The following SLC16A2 variants were observed in gnomAD, a reference collection of about 807,000 sequenced individuals.
SLC16A2 encodes the protein monocarboxylate transporter 8.
SLC16A2 carries 3 observed loss-of-function variants against 27.2 expected under a neutral mutation model. That is an observed-to-expected ratio of 0.11 (90% confidence interval 0.05 to 0.28). The LOEUF (loss-of-function observed/expected upper bound fraction) is 0.28. SLC16A2 is among the 10% of genes least tolerant of loss of function. The pLI is 1.00. For synonymous variants in SLC16A2, 202 were observed against 187.8 expected (o/e 1.08, Z -0.62); for missense variants, 295 against 458.5 (o/e 0.64, Z 3.26).
At chrX:74,460,562 C>A (rs1227993357) in intron 1 of SLC16A2, among the ~76,000 whole-genome samples, 1 of 112,585 alleles carries the variant, frequency 8.9e-6, no homozygotes, top group Non-Finnish European at 1.9e-5. Flanking sequence ...AACACAAATT[C>A]TGACCAACAT....
chrX:74,425,637 G>A (rs759143171), intron 1 of SLC16A2, among the ~76,000 whole-genome samples: 7 of 110,876 alleles, frequency 6.3e-5, no homozygotes, highest in African/African-American at 1.3e-4. Context: ...GAAGCAAGAC[G>A]CCATTGATTG....
At chrX:74,455,764 G>A (rs146627158) in intron 1 of SLC16A2, among the ~76,000 whole-genome samples, 1,831 of 111,744 alleles carry the variant, frequency 0.016, 36 homozygotes, top group African/African-American at 0.056. Context: ...CAGGAGTATA[G>A]TGTGTGGGAG....
At chrX:74,439,190 C>CTTTCTTTCTTTCTTTCTTTCTT (rs1357240164) in intron 1 of SLC16A2, among the ~76,000 whole-genome samples, 32 of 93,211 alleles carry the variant, frequency 3.4e-4, no homozygotes, top group African/African-American at 1.3e-3. Flanking sequence ...CTTTCTTTTT[C>CTTTCTTTCTTTCTTTCTTTCTT]TTTCTTTCTT....
At chrX:74,466,447 G>A (rs1446393504) in intron 1 of SLC16A2, among the ~76,000 whole-genome samples, 1 of 111,529 alleles carries the variant, frequency 9.0e-6, no homozygotes, top group African/African-American at 3.3e-5. Context: ...ACAAAAATTA[G>A]TGTAGTATTT....
chrX:74,498,297 C>T (rs1929971340), intron 1 of SLC16A2, among the ~76,000 whole-genome samples: 1 of 111,452 alleles, frequency 9.0e-6, no homozygotes, highest in Admixed American at 9.5e-5. Context: ...TATTATAGAA[C>T]CTAAGATTGG....
chrX:74,517,011 G>A (rs754565797), intron 1 of SLC16A2, among the ~76,000 whole-genome samples: 1 of 112,018 alleles, frequency 8.9e-6, no homozygotes, highest in Non-Finnish European at 1.9e-5. Flanking sequence ...TATGGGTCGT[G>A]GGGGAGTGGG....
rs911796715 is a variant in SLC16A2, at chrX:74,502,286, G to A, written c.431-18704G>A. On this transcript the variant is annotated intron_variant, in intron 1 of 5. Coordinates refer to ENST00000587091, the MANE Select transcript of SLC16A2 (RefSeq NM_006517.5). Reference sequence around the variant, plus strand: ...ACCATTCAGTAGGTCCCCAGACCAGGCTCCTTCCTACCCTCCCTAAAAAAT... The same window carrying A: ...ACCATTCAGTAGGTCCCCAGACCAGACTCCTTCCTACCCTCCCTAAAAAAT... Among the ~76,000 whole-genome samples the A allele has an allele frequency of 4.5e-5, 5 of 111,859 alleles. No individual in the cohort carries two copies. The Admixed American group carries it at 4.7e-4, about 11-fold the overall frequency.
intron 1 of SLC16A2, among the ~76,000 whole-genome samples, chrX:74,486,492 C>T (rs1026591042): frequency 1.8e-4 from 20 of 112,038 alleles, no homozygotes; most frequent in Admixed American, 8.5e-4. Flanking sequence ...TGCTCATCAT[C>T]ACTGGCCATC....
intron 1 of SLC16A2, among the ~76,000 whole-genome samples, chrX:74,504,626 C>G (rs543134522): frequency 8.9e-6 from 1 of 112,229 alleles, no homozygotes; most frequent in African/African-American, 3.2e-5. Flanking sequence ...TTAGTTGGTA[C>G]TTTTATAAGA....
chrX:74,460,155 A>G (rs187983605), intron 1 of SLC16A2, among the ~76,000 whole-genome samples: 3 of 112,237 alleles, frequency 2.7e-5, no homozygotes, highest in Non-Finnish European at 3.8e-5. Context: ...AAGACTTCCA[A>G]CTACGGGGAG....
intron 1 of SLC16A2, among the ~76,000 whole-genome samples, chrX:74,457,850 C>T (rs1325061722): frequency 9.0e-6 from 1 of 111,408 alleles, no homozygotes; most frequent in Non-Finnish European, 1.9e-5. Flanking sequence ...AGAAGGGAGG[C>T]ACTGGGCACC....
chrX:74,454,801 C>T (rs774527058), intron 1 of SLC16A2, among the ~76,000 whole-genome samples: 2 of 111,707 alleles, frequency 1.8e-5, no homozygotes, highest in Non-Finnish European at 3.8e-5. Context: ...TAATGTCTTT[C>T]ATGGCCCAAC....
intron 1 of SLC16A2, among the ~76,000 whole-genome samples, chrX:74,451,196 T>C (rs1193475178): frequency 8.9e-6 from 1 of 112,458 alleles, no homozygotes; most frequent in East Asian, 2.8e-4. Context: ...GTTCTTTTAG[T>C]GTGATGAGTC....
rs1369201409 is a variant in SLC16A2, at chrX:74,427,532, A to G, written c.430+5465A>G. 3.6e-5 allele frequency among the ~76,000 whole-genome samples: 4 copies of G among 112,088 alleles called. No homozygotes were observed. In the Admixed American group the frequency reaches 3.8e-4, roughly 11 times the overall value. On this transcript the variant is annotated intron_variant, in intron 1 of 5. Transcript: ENST00000587091. ...GAGTAAACAAGCAGCTGGACTGTCA[A>G]CATTTGTAGAAGTATATAAAGGATG...
intron 1 of SLC16A2, among the ~76,000 whole-genome samples, chrX:74,501,740 C>T (rs1197454964): frequency 9.0e-6 from 1 of 111,278 alleles, no homozygotes; most frequent in Non-Finnish European, 1.9e-5. Context: ...CAAAGTGTTC[C>T]CCAAAATCCT....
chrX:74,426,378 A>G (rs1928402744), intron 1 of SLC16A2, among the ~76,000 whole-genome samples: 1 of 112,058 alleles, frequency 8.9e-6, no homozygotes. Flanking sequence ...ACTGAAAGGG[A>G]TGAGAATAAG....
intron 1 of SLC16A2, among the ~76,000 whole-genome samples, chrX:74,439,610 C>T (rs1395001560): frequency 1.9e-5 from 2 of 106,751 alleles, no homozygotes; most frequent in African/African-American, 3.4e-5. Flanking sequence ...CTCACTCTTG[C>T]GCTTTCTCTC....
At chrX:74,503,407 C>A (rs186860933) in intron 1 of SLC16A2, among the ~76,000 whole-genome samples, 137 of 111,685 alleles carry the variant, frequency 1.2e-3, no homozygotes, top group African/African-American at 4.4e-3. Context: ...TTTCTCCACT[C>A]TTGGTACAGT....
chrX:74,481,918 C>T (rs997277023), intron 1 of SLC16A2, among the ~76,000 whole-genome samples: 24 of 109,623 alleles, frequency 2.2e-4, no homozygotes, highest in African/African-American at 7.3e-4. Flanking sequence ...GCAACCATTA[C>T]CATGATCTAA....
Sources: allele counts gnomAD v4.1 joint callset (sites outside exome capture counted in the v4.1 genomes callset), GRCh38; gene constraint gnomAD v4.1.1; transcripts MANE v1.5; gene names NCBI Gene and HGNC (gene_info 2026-07-23, HGNC 2026-07-21).